Variants in ERICH1 observed in about 807,000 individuals in gnomAD.
ERICH1 encodes the protein glutamate-rich protein 1.
Under a neutral mutation model 39.6 loss-of-function variants are expected in ERICH1, and 56 were observed. The observed-to-expected ratio is 1.41, with a 90% CI of 1.14 to 1.77. The LOEUF is 1.77. Among genes scored for constraint, ERICH1 ranks in the 40% most tolerant of loss-of-function variants. The pLI is 0.00. For missense variants in ERICH1, 826 were observed against 575.4 expected, an observed-to-expected ratio of 1.44 and a Z score of -4.45; for synonymous variants, 313 against 223.6, an observed-to-expected ratio of 1.40 and a Z score of -3.57.
At chr8:637,929 G>C (rs778346790) in intron 3 of ERICH1, among the ~76,000 whole-genome samples, 4 of 152,238 alleles carry the variant, frequency 2.6e-5, no homozygotes, top group Non-Finnish European at 5.9e-5. Context: ...CAGGGGCCAG[G>C]CTTTCTGCTG....
chr8:631,793 G>A (rs1023286603), intron 3 of ERICH1, among the ~76,000 whole-genome samples: 11 of 152,096 alleles, frequency 7.2e-5, no homozygotes, highest in Non-Finnish European at 1.6e-4. Flanking sequence ...TACAGGCACT[G>A]ACTAATTTTC....
At position 646,115 on chromosome 8, in the gene ERICH1, C is replaced by A. The variant is rs1360239510; in HGVS notation, c.976+22483G>T. Among the ~76,000 whole-genome samples the A allele has an allele frequency of 1.2e-4, 8 of 68,672 alleles. 3 individuals carry two copies. Among genetic ancestry groups the A allele is most frequent in the African/African-American group, 2.9e-4 (8 of 27,182 alleles). The allele number at this position is 68,672 out of a possible 152,430, so 45.1% of individuals were successfully genotyped here. On this transcript the variant is annotated intron_variant, in intron 3 of 3. Coordinates refer to the ERICH1 transcript ENST00000522706. ...GTTTGGCATTGGCCTTGCAAGATGG[C>A]GGCTATCATCAAAAGTTATCAAAAC...
At chr8:724,304 G>C (rs912025641) in intron 1 of ERICH1, among the ~76,000 whole-genome samples, 1 of 152,170 alleles carries the variant, frequency 6.6e-6, no homozygotes, top group Admixed American at 6.5e-5. Flanking sequence ...AGTGAGATCC[G>C]ATCTCTACAA....
intron 3 of ERICH1, among the ~76,000 whole-genome samples, chr8:629,329 C>T (rs575848681): frequency 8.5e-5 from 13 of 152,052 alleles, no homozygotes; most frequent in African/African-American, 3.1e-4. Context: ...AGAGACAGAG[C>T]TGACTCACAC....
At chr8:689,459 C>T (rs924980325) in intron 3 of ERICH1, among the ~76,000 whole-genome samples, 1 of 152,194 alleles carries the variant, frequency 6.6e-6, no homozygotes, top group South Asian at 2.1e-4. Context: ...CAAAACCTAA[C>T]GGACTGATCA....
chr8:638,916 G>C lies in ERICH1; in HGVS notation c.977-23632C>G, dbSNP rs1427706307. 7.9e-5 allele frequency among the ~76,000 whole-genome samples: 12 copies of C among 152,140 alleles called. No homozygotes were observed. In the East Asian group the frequency reaches 1.9e-3, roughly 25 times the overall value. ...CGTGGCCTTGTTCTGACCCACACTT[G>C]GTTCCCTCCTGACAAGACAGTTTTG... On this transcript the variant is annotated intron_variant, in intron 3 of 3. Coordinates refer to the ERICH1 transcript ENST00000522706.
intron 3 of ERICH1, among the ~76,000 whole-genome samples, chr8:621,244 C>T (rs1797264995): frequency 6.6e-6 from 1 of 151,964 alleles, no homozygotes; most frequent in Non-Finnish European, 1.5e-5. Flanking sequence ...GCACATCATG[C>T]CAATATTTAT....
intron 3 of ERICH1, 107 bp from the exon 4 acceptor site, chr8:674,154 G>C: frequency 7.9e-7 from 1 of 1,273,070 alleles, no homozygotes; most frequent in Non-Finnish European, 1.1e-6. Context: ...AGTAGAAAAA[G>C]AGTTTACACT....
At chr8:702,191 G>A (rs1585484132) in intron 2 of ERICH1, among the ~76,000 whole-genome samples, 2 of 151,974 alleles carry the variant, frequency 1.3e-5, no homozygotes, top group East Asian at 1.9e-4. Context: ...GCAGAAACAC[G>A]GGCAAAGGCA....
intron 3 of ERICH1, among the ~76,000 whole-genome samples, chr8:688,219 G>A (rs1247203255): frequency 1.8e-5 from 2 of 110,254 alleles, no homozygotes; most frequent in Non-Finnish European, 3.8e-5. Context: ...GCCCACGCAG[G>A]TTTCCCGACG....
chr8:686,460 A>C (rs4596626), intron 3 of ERICH1, among the ~76,000 whole-genome samples: 136,992 of 151,770 alleles, frequency 0.9, 61,942 homozygotes, highest in South Asian at 0.95. Flanking sequence ...AAAAAAAAAA[A>C]AAAAACAAAA....
intron 3 of ERICH1, chr8:626,882 G>A (rs1314455385): frequency 3.1e-5 from 9 of 293,316 alleles, no homozygotes; most frequent in Non-Finnish European, 6.4e-5. Context: ...AAATGCTGGC[G>A]GTTGGAACCT....
At chr8:660,908 C>A (rs7838856), downstream of ERICH1, among the ~76,000 whole-genome samples, 2,470 of 152,132 alleles carry the variant, frequency 0.016, 68 homozygotes, top group African/African-American at 0.053. Context: ...GATACCTGCT[C>A]CTCCGCTGGG....
intron 2 of ERICH1, among the ~76,000 whole-genome samples, chr8:708,418 G>A (rs1813797619): frequency 6.6e-6 from 1 of 152,160 alleles, no homozygotes; most frequent in Non-Finnish European, 1.5e-5. Context: ...ACTGATGAAT[G>A]GAGAAACAAA....
rs137892907 is a variant in ERICH1 at position 722,228 on chromosome 8, GA to G, written c.23-6222del. The stretch of plus-strand genomic sequence containing the variant: ...GAGGACGGAGTGTTTAATGCCAATC[GA>G]AAAAAAAAACCTGCAGGAAAACAAA... On this transcript the variant is annotated intron_variant, in intron 1 of 5. Coordinates refer to ENST00000262109, the MANE Select transcript of ERICH1 (RefSeq NM_207332.3). 9.7e-3 allele frequency among the ~76,000 whole-genome samples: 1,369 copies of G among 140,734 alleles called. 6 individuals are homozygous for G. The highest frequency in any genetic ancestry group is 0.037 in the Admixed American group (521 of 13,908). 92.3% of individuals were successfully genotyped at this position (140,734 alleles called of 152,430 possible).
chr8:633,236 C>A (rs745907725), intron 3 of ERICH1, among the ~76,000 whole-genome samples: 1 of 152,154 alleles, frequency 6.6e-6, no homozygotes, highest in Admixed American at 6.5e-5. Flanking sequence ...AGGTTCACAC[C>A]TTAGAAAACC....
intron 1 of ERICH1, among the ~76,000 whole-genome samples, chr8:728,370 A>T (rs1436547274): frequency 6.6e-6 from 1 of 152,150 alleles, no homozygotes; most frequent in East Asian, 1.9e-4. Context: ...GCAAGGCTCA[A>T]CCTGGTCAAC....
chr8:725,233 C>A, intron 1 of ERICH1: 1 of 180,954 alleles, frequency 5.5e-6, no homozygotes. Flanking sequence ...CTCCGGCTTC[C>A]TGTCTGCTCT....
chr8:731,211 G>C lies in ERICH1; in HGVS notation c.-50C>G. The C allele has an allele frequency of 7.0e-7, 1 of 1,422,058 alleles. No homozygotes were observed. Among genetic ancestry groups the C allele is most frequent in the Non-Finnish European group, 9.2e-7 (1 of 1,089,352 alleles). 88.1% of individuals were successfully genotyped at this position (1,422,058 alleles called of 1,614,324 possible). A position where few individuals can be genotyped will look rare whatever the true frequency, so the allele number is the denominator to read the frequency against. ...ACCACGGCGCGCGGTCCTGAGCTGA[G>C]CGCCGTGCCTTCCGGGTTCCGCCCT... On this transcript the variant is annotated 5_prime_UTR_variant, in exon 1 of 6. Transcript: ENST00000262109.
Sources: gnomAD v4.1 joint callset for allele counts (sites outside exome capture counted in the v4.1 genomes callset) on GRCh38, gnomAD v4.1.1 for gene constraint, MANE v1.5 for transcripts, NCBI Gene and HGNC (gene_info 2026-07-23, HGNC 2026-07-21) for gene names.